The following CSMD1 variants were observed in gnomAD, a reference collection of about 807,000 sequenced individuals.
CSMD1 encodes the protein CUB and sushi domain-containing protein 1.
A neutral mutation model predicts 417.5 loss-of-function variants in CSMD1; 213 were observed. That is an observed-to-expected ratio of 0.51 (90% CI 0.46 to 0.57). The LOEUF (loss-of-function observed/expected upper bound fraction) is 0.57, where lower values mean the gene tolerates loss of function less well. Among genes scored for constraint, CSMD1 ranks in the 20% least tolerant of loss-of-function variants. The pLI, the probability that CSMD1 is intolerant of heterozygous loss-of-function variation, is 0.00. For synonymous variants in CSMD1, 2,862 were observed against 1,736.8 expected, an observed-to-expected ratio of 1.65 and a Z score of -16.11; for missense variants, 6,923 against 4,529.7, an observed-to-expected ratio of 1.53 and a Z score of -15.17.
chr8:3,276,387 C>T (rs181233523), intron 26 of CSMD1, among the ~76,000 whole-genome samples: 33 of 152,274 alleles, frequency 2.2e-4, no homozygotes, highest in African/African-American at 5.3e-4. Flanking sequence ...AGCTGTAGAC[C>T]GGAGCTGTTC....
intron 3 of CSMD1, among the ~76,000 whole-genome samples, chr8:4,378,152 A>G (rs1802874432): frequency 6.6e-6 from 1 of 152,234 alleles, no homozygotes; most frequent in Admixed American, 6.5e-5. Flanking sequence ...CAATATTTCC[A>G]TTATTCACTT....
chr8:3,053,238 C>T (rs1811987156), intron 49 of CSMD1, among the ~76,000 whole-genome samples: 1 of 152,182 alleles, frequency 6.6e-6, no homozygotes, highest in Admixed American at 6.5e-5. Context: ...TGCAGCTTAG[C>T]CGCAGTCTGA....
At chr8:4,625,049 T>C (rs1451386553) in intron 2 of CSMD1, among the ~76,000 whole-genome samples, 1 of 152,098 alleles carries the variant, frequency 6.6e-6, no homozygotes, top group African/African-American at 2.4e-5. Context: ...CCGGGAAGAA[T>C]GACAGTCACA....
At chr8:3,365,444 C>T (rs1215972989) in intron 20 of CSMD1, among the ~76,000 whole-genome samples, 2 of 152,132 alleles carry the variant, frequency 1.3e-5, no homozygotes, top group Non-Finnish European at 2.9e-5. Flanking sequence ...AGTTAGTAGG[C>T]AATTGTGAAG....
chr8:4,235,125 G>GA (rs1171105992), intron 3 of CSMD1, among the ~76,000 whole-genome samples: 3 of 151,934 alleles, frequency 2.0e-5, no homozygotes, highest in South Asian at 4.2e-4. Context: ...TTTAATCCTA[G>GA]AAAAAAGACT....
intron 5 of CSMD1, among the ~76,000 whole-genome samples, chr8:3,960,801 T>A (rs1812274505): frequency 1.3e-5 from 2 of 151,918 alleles, no homozygotes; most frequent in African/African-American, 2.4e-5. Flanking sequence ...AAAATTACAA[T>A]TTATTATTTT....
chr8:3,477,239 T>C (rs78479848), intron 11 of CSMD1, among the ~76,000 whole-genome samples: 2 of 152,196 alleles, frequency 1.3e-5, no homozygotes, highest in South Asian at 4.1e-4. Flanking sequence ...GGTATGTACC[T>C]GAATTTTAAA....
At chr8:4,422,642 T>C (rs1797314881) in intron 2 of CSMD1, among the ~76,000 whole-genome samples, 1 of 152,054 alleles carries the variant, frequency 6.6e-6, no homozygotes, top group Admixed American at 6.6e-5. Flanking sequence ...AATAAACCTG[T>C]ATTTCTTAAT....
intron 10 of CSMD1, among the ~76,000 whole-genome samples, chr8:3,556,986 A>T (rs1355081642): frequency 6.6e-6 from 1 of 152,196 alleles, no homozygotes. Context: ...CCCAGCACCC[A>T]GTCCTTTGCA....
At chr8:4,013,101 C>T (rs1333661953) in intron 4 of CSMD1, among the ~76,000 whole-genome samples, 1 of 152,132 alleles carries the variant, frequency 6.6e-6, no homozygotes, top group East Asian at 1.9e-4. Flanking sequence ...AATGCTGTGT[C>T]ACACGATGTC....
intron 3 of CSMD1, among the ~76,000 whole-genome samples, chr8:4,189,807 T>C (rs897417892): frequency 2.0e-5 from 3 of 152,184 alleles, no homozygotes; most frequent in South Asian, 2.1e-4. Flanking sequence ...TTGCCATATA[T>C]TAAGGTAAAG....
intron 12 of CSMD1, among the ~76,000 whole-genome samples, chr8:3,464,881 A>C (rs904920834): frequency 6.6e-6 from 1 of 152,154 alleles, no homozygotes; most frequent in Admixed American, 6.5e-5. Flanking sequence ...GACACTTAAC[A>C]TGATCTCCCT....
At chr8:4,398,431 CA>C (rs1204690919) in intron 3 of CSMD1, among the ~76,000 whole-genome samples, 3 of 116,292 alleles carry the variant, frequency 2.6e-5, no homozygotes, top group Admixed American at 1.3e-4. Context: ...CTCACTCTGT[CA>C]CCCCAGGCTG....
chr8:4,664,921 T>G (rs1020291025), intron 1 of CSMD1, among the ~76,000 whole-genome samples: 1 of 152,198 alleles, frequency 6.6e-6, no homozygotes, highest in Non-Finnish European at 1.5e-5. Context: ...AAAACTTGCA[T>G]TAGGAATGTG....
chr8:4,195,364 G>T (rs775442136), intron 3 of CSMD1, among the ~76,000 whole-genome samples: 2 of 152,100 alleles, frequency 1.3e-5, no homozygotes, highest in Admixed American at 1.3e-4. Context: ...CTAACAAATT[G>T]GATCTTCTAT....
rs971104109 is a variant in CSMD1 at position 3,307,790 on chromosome 8, T to G, written c.3855A>C (p.Thr1285=). The change falls in exon 25 of 70, where the codon ACA becomes ACC. Residue 1285 remains threonine (T), a synonymous_variant. Transcript: ENST00000635120. ...AGCCAGGGGACAATATTCGTCCTGA[T>G]GTGGCTGCATGGATCTGACCACCAC... ...AECGGQIHAA[T]SGRILSPGYP... is the part of the protein sequence containing the mutation. The G allele has an allele frequency of 6.2e-7, 1 of 1,613,560 alleles. No homozygotes were observed. Among genetic ancestry groups the G allele is most frequent in the African/African-American group, 1.3e-5 (1 of 74,930 alleles).
intron 1 of CSMD1, among the ~76,000 whole-genome samples, chr8:4,836,473 G>A (rs896427837): frequency 3.9e-5 from 6 of 152,108 alleles, no homozygotes; most frequent in Non-Finnish European, 5.9e-5. Flanking sequence ...TAGGACTGGC[G>A]CTCTTGAATA....
intron 2 of CSMD1, among the ~76,000 whole-genome samples, chr8:4,491,350 C>G (rs563431446): frequency 6.6e-6 from 1 of 152,262 alleles, no homozygotes; most frequent in Admixed American, 6.5e-5. Flanking sequence ...GCGCACGTGT[C>G]CAGGATTTTC....
intron 25 of CSMD1, among the ~76,000 whole-genome samples, chr8:3,303,641 G>A (rs753258832): frequency 6.6e-6 from 1 of 152,164 alleles, no homozygotes; most frequent in East Asian, 1.9e-4. Context: ...TTAAAGCTTA[G>A]GAACAGTGTA....
Sources: allele counts gnomAD v4.1 joint callset (sites outside exome capture counted in the v4.1 genomes callset), GRCh38; gene constraint gnomAD v4.1.1; transcripts MANE v1.5; gene names NCBI Gene and HGNC (gene_info 2026-07-23, HGNC 2026-07-21).